PPAT: variants seen among roughly 807,000 people sequenced by gnomAD.
PPAT encodes the protein phosphoribosyl pyrophosphate amidotransferase.
In PPAT, 20 loss-of-function variants were observed where a neutral mutation model predicts 60.2. The ratio of observed to expected loss-of-function variants is 0.33; its 90% CI spans 0.23 to 0.48. The LOEUF is 0.48. Among genes scored for constraint, PPAT ranks in the 20% least tolerant of loss-of-function variants. The probability of loss-of-function intolerance (pLI) is 0.99; values close to 1 mark genes in which losing one functional copy is unlikely to be tolerated. For missense variants in PPAT, 349 were observed against 629.6 expected (o/e 0.55, Z 4.77); for synonymous variants, 194 against 215.1 (o/e 0.90, Z 0.86).
intron 1 of PPAT, among the ~76,000 whole-genome samples, chr4:56,432,120 A>G (rs1717616715): frequency 6.6e-6 from 1 of 152,214 alleles, no homozygotes; most frequent in Admixed American, 6.5e-5. Context: ...CCTTCCAGGT[A>G]TTCTGTTAAC....
chr4:56,433,076 G>C (rs1355094723), intron 1 of PPAT, among the ~76,000 whole-genome samples: 2 of 151,362 alleles, frequency 1.3e-5, no homozygotes, highest in Non-Finnish European at 1.5e-5. Context: ...GTTTCGAGCA[G>C]CAGATAATTG....
chr4:56,428,993 G>C, intron 1 of PPAT: 4 of 975,378 alleles, frequency 4.1e-6, no homozygotes, highest in Non-Finnish European at 4.9e-6. Context: ...CAAGAGAAAA[G>C]CACATGAAGA....
chr4:56,425,502 C>A, intron 1 of PPAT: 1 of 311,302 alleles, frequency 3.2e-6, no homozygotes, highest in Non-Finnish European at 4.7e-6. Context: ...ATTATGAAGT[C>A]ATGATTTTTC....
chr4:56,425,849 G>C (rs1015895912), intron 1 of PPAT, among the ~76,000 whole-genome samples: 1 of 152,176 alleles, frequency 6.6e-6, no homozygotes, highest in Non-Finnish European at 1.5e-5. Context: ...CTGGCTTAGA[G>C]GAAGATTTGG....
chr4:56,398,475 A>T (rs1041973115), intron 9 of PPAT, among the ~76,000 whole-genome samples: 5 of 151,792 alleles, frequency 3.3e-5, no homozygotes, highest in Non-Finnish European at 5.9e-5. Flanking sequence ...TTTAAAAAGC[A>T]TTCTATTGTG....
chr4:56,431,892 C>T (rs1471122700), intron 1 of PPAT, among the ~76,000 whole-genome samples: 1 of 152,118 alleles, frequency 6.6e-6, no homozygotes, highest in Non-Finnish European at 1.5e-5. Flanking sequence ...ATAAATCAGG[C>T]ATGAACATAC....
intron 1 of PPAT, chr4:56,431,530 G>T: frequency 1.2e-5 from 12 of 981,492 alleles, no homozygotes; most frequent in Non-Finnish European, 1.5e-5. Flanking sequence ...TCTGCAGACA[G>T]AAAACCCAAC....
chr4:56,435,250 G>T (rs2110074481), intron 1 of PPAT, 100 bp downstream of exon 1: 1 of 1,547,242 alleles, frequency 6.5e-7, no homozygotes, highest in African/African-American at 1.3e-5. Flanking sequence ...GGAGAGGTCG[G>T]TCCTCCCGGG....
At chr4:56,412,326 G>A (rs1233965017) in intron 1 of PPAT, among the ~76,000 whole-genome samples, 1 of 143,092 alleles carries the variant, frequency 7.0e-6, no homozygotes, top group East Asian at 2.0e-4. Flanking sequence ...TTTTTTTTTA[G>A]AGAGAGGGTT....
At chr4:56,414,663 T>G (rs1268292305) in intron 1 of PPAT, among the ~76,000 whole-genome samples, 1 of 152,220 alleles carries the variant, frequency 6.6e-6, no homozygotes, top group East Asian at 1.9e-4. Context: ...CTTTTCTGTT[T>G]CACTACCATC....
At chr4:56,427,744 G>T (rs1717367016) in intron 1 of PPAT, among the ~76,000 whole-genome samples, 1 of 152,048 alleles carries the variant, frequency 6.6e-6, no homozygotes, top group African/African-American at 2.4e-5. Flanking sequence ...GCATTGTGGA[G>T]TATGCCTTCC....
In PPAT at chr4:56,395,175, G is replaced by C; in HGVS notation, c.*177C>G. 3.6e-6 allele frequency: 2 copies of C among 555,984 alleles called. No homozygotes were observed. Among genetic ancestry groups the C allele is most frequent in the Non-Finnish European group, 6.2e-6 (2 of 320,200 alleles). 34.4% of individuals were successfully genotyped at this position (555,984 alleles called of 1,614,324 possible). A position where few individuals can be genotyped will look rare whatever the true frequency, so the allele number is the denominator to read the frequency against. ...TGTTGTATTATATGCAATTGGAAAT[G>C]TTCAGTTATCGCACTTTGGTATCCT... is the stretch of plus-strand genomic sequence containing the variant. On this transcript the variant is annotated 3_prime_UTR_variant, in exon 11 of 11. Transcript: ENST00000264220.
At position 56,399,432 on chromosome 4, in the gene PPAT, A is replaced by C. The variant is rs746586535; in HGVS notation, c.1015-32T>G. 2.2e-5 allele frequency: 33 copies of C among 1,515,430 alleles called. 2 individuals are homozygous for C. In the South Asian group the frequency reaches 3.7e-4, roughly 17 times the overall value. The allele number at this position is 1,515,430 out of a possible 1,614,324, so 93.9% of individuals were successfully genotyped here. A position where few individuals can be genotyped will look rare whatever the true frequency, so the allele number is the denominator to read the frequency against. The stretch of plus-strand genomic sequence containing the variant: ...GAGAAGAAATGAAAGGATAATGAGG[A>C]GTAATATACAGAATAGGCAAATATT... On this transcript the variant is annotated intron_variant, in intron 8 of 10. Coordinates refer to ENST00000264220, the MANE Select transcript of PPAT (RefSeq NM_002703.5).
chr4:56,401,892 C>G (rs79995074), intron 6 of PPAT, among the ~76,000 whole-genome samples: 3 of 152,138 alleles, frequency 2.0e-5, no homozygotes, highest in East Asian at 3.9e-4. Flanking sequence ...TTCATAGTAT[C>G]TTGAAAGAAT....
At chr4:56,433,863 T>G (rs1156352965) in intron 1 of PPAT, among the ~76,000 whole-genome samples, 1 of 152,104 alleles carries the variant, frequency 6.6e-6, no homozygotes, top group Non-Finnish European at 1.5e-5. Flanking sequence ...CCCAGCTAAT[T>G]GTATTTTTAG....
Position 56,402,322 on chromosome 4 carries a change from C to A in PPAT, c.662-141G>T, listed in dbSNP as rs564370082. ...ATGACTTTAAGAGCACATGGATCCT[C>A]ATTTGACTTGAGCCAAAGATAAAAT... On this transcript the variant is annotated intron_variant, in intron 5 of 10. Transcript: ENST00000264220. 24 of 490,164 alleles carry A rather than the reference C, an allele frequency of 4.9e-5. No individual in the cohort carries two copies. In the South Asian group the frequency reaches 1.1e-3, roughly 23 times the overall value. 30.4% of individuals were successfully genotyped at this position (490,164 alleles called of 1,614,324 possible). A position where few individuals can be genotyped will look rare whatever the true frequency, so the allele number is the denominator to read the frequency against.
At chr4:56,415,628 A>C (rs1181356323) in intron 1 of PPAT, among the ~76,000 whole-genome samples, 1 of 152,202 alleles carries the variant, frequency 6.6e-6, no homozygotes, top group Non-Finnish European at 1.5e-5. Flanking sequence ...GATACTTAAA[A>C]ACTCTAAGCT....
At chr4:56,433,808 C>T (rs1227810533) in intron 1 of PPAT, among the ~76,000 whole-genome samples, 1 of 152,040 alleles carries the variant, frequency 6.6e-6, no homozygotes, top group Non-Finnish European at 1.5e-5. Flanking sequence ...GATTCTCCTG[C>T]CTCAGCCTCC....
chr4:56,402,135 A>G lies in PPAT; in HGVS notation c.708T>C (p.Ser236=), dbSNP rs1716128036. 6.2e-7 allele frequency: 1 copy of G among 1,605,086 alleles called. No homozygotes were observed. The highest frequency in any genetic ancestry group is 1.7e-5 in the Admixed American group (1 of 59,890). The change falls in exon 6 of 11, where the codon TCT becomes TCC. Residue 236 remains serine, a synonymous_variant. Coordinates refer to ENST00000264220, the MANE Select transcript of PPAT (RefSeq NM_002703.5). ...ETEGWVVSSE[S]CSFLSIGARY... is the part of the protein sequence containing the mutation. ...TTGCACCAATAGATAAGAAGCTACA[A>G]GATTCTGAAGACACCACCCATCCTT... is the stretch of plus-strand genomic sequence containing the variant.
Sources: allele counts gnomAD v4.1 joint callset (sites outside exome capture counted in the v4.1 genomes callset), GRCh38; gene constraint gnomAD v4.1.1; transcripts MANE v1.5; gene names NCBI Gene and HGNC (gene_info 2026-07-23, HGNC 2026-07-21).